Variants in ARHGEF10 observed in about 807,000 individuals in gnomAD.
ARHGEF10 encodes the protein Rho guanine nucleotide exchange factor (GEF) 10.
A neutral mutation model predicts 147.4 loss-of-function variants in ARHGEF10; 140 were observed. That is an observed-to-expected ratio of 0.95 (90% CI 0.83 to 1.09). The LOEUF (loss-of-function observed/expected upper bound fraction) is 1.09, where lower values mean the gene tolerates loss of function less well. ARHGEF10 is among the 50% of genes least tolerant of loss of function. The pLI, the probability that ARHGEF10 is intolerant of heterozygous loss-of-function variation, is 0.00. For synonymous variants in ARHGEF10, 902 were observed against 695.8 expected, an observed-to-expected ratio of 1.30 and a Z score of -4.67; for missense variants, 2,222 against 1,752.7, an observed-to-expected ratio of 1.27 and a Z score of -4.78.
chr8:1,939,062 A>G (rs1029374608), intron 26 of ARHGEF10, among the ~76,000 whole-genome samples: 2 of 151,658 alleles, frequency 1.3e-5, no homozygotes, highest in Non-Finnish European at 2.9e-5. Context: ...AACCCTGAAC[A>G]CTGTGGAATC....
At chr8:1,891,779 T>G (rs985575477) in intron 11 of ARHGEF10, among the ~76,000 whole-genome samples, 3 of 152,130 alleles carry the variant, frequency 2.0e-5, no homozygotes, top group African/African-American at 7.2e-5. Context: ...AGTGGGCATA[T>G]AATTTGACGT....
In ARHGEF10 at chr8:1,937,713, A is replaced by G. The variant is rs529660698; in HGVS notation, c.3222+3771A>G. ...AGCCCACAAGATTCGAGCCCTGGGT[A>G]TGTGTCCGCCTTGCTGACAGCGAGG... On this transcript the variant is annotated intron_variant, in intron 26 of 28. Transcript: ENST00000349830. This position sits in a 1 kb window ranked among gnomAD's most constrained non-coding sequence, Gnocchi z 4.9. 1.5e-4 allele frequency among the ~76,000 whole-genome samples: 23 copies of G among 152,208 alleles called. No individual in the cohort carries two copies. The highest frequency in any genetic ancestry group is 2.6e-4 in the Non-Finnish European group (18 of 68,040).
chr8:1,830,582 G>C (rs984145423), intron 1 of ARHGEF10, among the ~76,000 whole-genome samples: 24 of 152,192 alleles, frequency 1.6e-4, no homozygotes, highest in African/African-American at 5.3e-4. Context: ...TAAGAGACAG[G>C]TGTTTCATGA....
intron 4 of ARHGEF10, among the ~76,000 whole-genome samples, chr8:1,863,080 G>A (rs988812232): frequency 6.6e-6 from 1 of 152,156 alleles, no homozygotes; most frequent in Non-Finnish European, 1.5e-5. Context: ...ACCGCGGCCA[G>A]CTGGATCTTT....
rs573598839 is a variant in ARHGEF10 at position 1,898,821 on chromosome 8, C to T, written c.1650+296C>T. On this transcript the variant is annotated intron_variant, in intron 15 of 28. Transcript: ENST00000349830. ...CCTGCCTCACGTGCTCTCACAGGGC[C>T]CCAGCACTGGGGGGCCGCGGGGCTT... 5.8e-4 allele frequency among the ~76,000 whole-genome samples: 88 copies of T among 152,132 alleles called. 1 individual carries two copies. The East Asian group carries it at 7.0e-3, about 12-fold the overall frequency.
intron 16 of ARHGEF10, 96 bp downstream of exon 16, chr8:1,903,547 T>G (rs1348902258): frequency 8.0e-6 from 12 of 1,506,412 alleles, no homozygotes; most frequent in Non-Finnish European, 1.1e-5. Context: ...TTGGATCGTT[T>G]GGAGTAATTC....
At chr8:1,834,778 A>T (rs1055538984) in intron 1 of ARHGEF10, among the ~76,000 whole-genome samples, 1 of 152,090 alleles carries the variant, frequency 6.6e-6, no homozygotes, top group Non-Finnish European at 1.5e-5. Context: ...TTATGTCTTG[A>T]GTTGGAACCT....
At chr8:1,900,640 T>A (rs1222111386) in intron 15 of ARHGEF10, among the ~76,000 whole-genome samples, 1 of 152,254 alleles carries the variant, frequency 6.6e-6, no homozygotes, top group Non-Finnish European at 1.5e-5. Flanking sequence ...AAGAATTTTG[T>A]ACACTTTTCT....
At chr8:1,925,791 CG>C (rs1201523705) in intron 22 of ARHGEF10, among the ~76,000 whole-genome samples, 1 of 152,206 alleles carries the variant, frequency 6.6e-6, no homozygotes, top group Non-Finnish European at 1.5e-5. Context: ...GTACCGTGCC[CG>C]CTCTTTGCCT....
chr8:1,884,543 C>G (rs146696940), intron 10 of ARHGEF10, among the ~76,000 whole-genome samples: 301 of 152,280 alleles, frequency 2.0e-3, no homozygotes, highest in Middle Eastern at 0.01. Context: ...TGGTGCCAGG[C>G]CCTCCTTCCC....
At chr8:1,864,287 G>A in intron 4 of ARHGEF10, 86 bp from the exon 5 acceptor site, 1 of 1,382,172 alleles carries the variant, frequency 7.2e-7, no homozygotes, top group Non-Finnish European at 1.0e-6. Flanking sequence ...AGGAAAGTGT[G>A]AAACCATTTT....
intron 5 of ARHGEF10, among the ~76,000 whole-genome samples, chr8:1,865,939 G>A (rs578106874): frequency 1.3e-5 from 2 of 152,202 alleles, no homozygotes; most frequent in Non-Finnish European, 2.9e-5. Flanking sequence ...GCGATGCTTG[G>A]TGTGTGCAGT....
At position 1,948,504 on chromosome 8, in the gene ARHGEF10, C is replaced by G. The variant is rs114104177; in HGVS notation, c.3397+2849C>G. Among the ~76,000 whole-genome samples, 1,309 of 152,322 alleles carry G rather than the reference C, an allele frequency of 8.6e-3. 21 individuals are homozygous for G. Among genetic ancestry groups the G allele is most frequent in the African/African-American group, 0.029 (1,216 of 41,568 alleles). On this transcript the variant is annotated intron_variant, in intron 27 of 28. Transcript: ENST00000349830. This position sits in a 1 kb window ranked among gnomAD's most constrained non-coding sequence, Gnocchi z 4.9. Reference sequence around the variant, plus strand: ...CAGTTCTCTGCTCCCAGGCTGTGGTCTGCTGCCACCGTGGCCTTGTCAGCA... The same window carrying G: ...CAGTTCTCTGCTCCCAGGCTGTGGTGTGCTGCCACCGTGGCCTTGTCAGCA...
chr8:1,905,437 G>T (rs1810806023), intron 16 of ARHGEF10, 134 bp from the exon 17 acceptor site: 2 of 1,119,090 alleles, frequency 1.8e-6, no homozygotes, highest in Non-Finnish European at 2.7e-6. Flanking sequence ...CAGTCACGGG[G>T]AACATAGGAA....
intron 1 of ARHGEF10, among the ~76,000 whole-genome samples, chr8:1,839,682 T>G (rs1318994661): frequency 1.0e-5 from 1 of 97,750 alleles, no homozygotes; most frequent in Non-Finnish European, 2.0e-5. Flanking sequence ...TGGAAACTGG[T>G]GTGGGGACTG....
rs374701547 is a variant in ARHGEF10 at position 1,882,627 on chromosome 8, C to T, written c.961-8C>T. The T allele has an allele frequency of 3.1e-5, 48 of 1,551,050 alleles. No individual in the cohort carries two copies. In the East Asian group the frequency reaches 3.4e-4, roughly 11 times the overall value. On this transcript the variant is annotated splice_polypyrimidine_tract_variant and splice_region_variant and intron_variant, in intron 9 of 28. Coordinates refer to ENST00000349830, the MANE Select transcript of ARHGEF10 (RefSeq NM_014629.4). The stretch of plus-strand genomic sequence containing the variant: ...CGTCCCGTTCTCACATCTCCCTCTC[C>T]GTCGCAGATGCAGAAGCTCGTGAAG...
chr8:1,945,817 A>G, intron 27 of ARHGEF10, 162 bp downstream of exon 27: 1 of 1,098,704 alleles, frequency 9.1e-7, no homozygotes, highest in Non-Finnish European at 1.4e-6. Flanking sequence ...CAGACGTGGG[A>G]GTACGGAGCA....
chr8:1,875,450 C>T (rs992825352), intron 7 of ARHGEF10, among the ~76,000 whole-genome samples: 1 of 152,136 alleles, frequency 6.6e-6, no homozygotes, highest in Non-Finnish European at 1.5e-5. Context: ...GATGCCCAGC[C>T]CCAAATTTCA....
chr8:1,913,165 C>T (rs139573298), intron 18 of ARHGEF10, among the ~76,000 whole-genome samples: 52 of 152,176 alleles, frequency 3.4e-4, no homozygotes, highest in African/African-American at 1.2e-3. Context: ...CGCATAGCCC[C>T]ACCTTTGGGA....
Sources: allele counts gnomAD v4.1 joint callset (sites outside exome capture counted in the v4.1 genomes callset), GRCh38; gene constraint gnomAD v4.1.1; non-coding constraint Gnocchi (gnomAD v3.1); transcripts MANE v1.5; gene names NCBI Gene and HGNC (gene_info 2026-07-23, HGNC 2026-07-21).